The following WWOX variants were observed in gnomAD, a reference collection of about 807,000 sequenced individuals.
The protein encoded by WWOX is WW domain-containing oxidoreductase.
A neutral mutation model predicts 46.2 loss-of-function variants in WWOX; 69 were observed. That is an observed-to-expected ratio of 1.49 (90% confidence interval 1.23 to 1.82). The LOEUF (loss-of-function observed/expected upper bound fraction) is 1.82. Among genes scored for constraint, WWOX ranks in the 40% most tolerant of loss-of-function variants. The pLI is 0.00. For missense variants in WWOX, 919 were observed against 542.6 expected (o/e 1.69, Z -6.89); for synonymous variants, 359 against 202.6 (o/e 1.77, Z -6.56).
At chr16:78,747,449 C>T (rs1288847639) in intron 8 of WWOX, among the ~76,000 whole-genome samples, 2 of 152,110 alleles carry the variant, frequency 1.3e-5, no homozygotes, top group Non-Finnish European at 2.9e-5. Context: ...AATAAAAATA[C>T]CCATCATTTA....
intron 8 of WWOX, among the ~76,000 whole-genome samples, chr16:78,941,776 A>T (rs930252585): frequency 6.6e-6 from 1 of 152,320 alleles, no homozygotes; most frequent in East Asian, 1.9e-4. Flanking sequence ...TAAAAAAGGT[A>T]TCATAATCAA....
chr16:78,877,805 A>G (rs889109478), intron 8 of WWOX, among the ~76,000 whole-genome samples: 2 of 152,210 alleles, frequency 1.3e-5, no homozygotes, highest in Non-Finnish European at 2.9e-5. Flanking sequence ...CCTTGGATGT[A>G]TAATGTCCAA....
At chr16:79,146,920 T>C (rs944669658) in intron 8 of WWOX, among the ~76,000 whole-genome samples, 5 of 152,208 alleles carry the variant, frequency 3.3e-5, no homozygotes, top group African/African-American at 4.8e-5. Flanking sequence ...GATTTTTTAA[T>C]TGAAATTTTA....
chr16:78,676,404 T>C (rs1038061202), intron 8 of WWOX, among the ~76,000 whole-genome samples: 2 of 60,306 alleles, frequency 3.3e-5, no homozygotes, highest in East Asian at 3.5e-4. Context: ...ATATTTACTA[T>C]TTTTTTTTTT....
At chr16:78,617,070 C>G (rs1244914836) in intron 8 of WWOX, among the ~76,000 whole-genome samples, 1 of 152,194 alleles carries the variant, frequency 6.6e-6, no homozygotes, top group Non-Finnish European at 1.5e-5. Flanking sequence ...AGAAAAATAG[C>G]TTGGACATTC....
rs143067173 is a variant in WWOX, at chr16:78,164,256, G to A, written c.483G>A (p.Ala161=). ...TGGCCTGCAGGAACATGGCAAGGGCGAGTGAAGCAGTGTCACGCATTTTAG... is the reference window on the plus strand; with the variant it reads ...TGGCCTGCAGGAACATGGCAAGGGCAAGTGAAGCAGTGTCACGCATTTTAG... ...VILACRNMAR[A]SEAVSRILEE... is the part of the protein sequence containing the mutation. The change falls in exon 5 of 9, where the codon GCG becomes GCA. Residue 161 remains alanine (A), a synonymous_variant. Coordinates refer to ENST00000566780, the MANE Select transcript of WWOX (RefSeq NM_016373.4). 6.8e-6 allele frequency: 11 copies of A among 1,614,060 alleles called. No homozygotes were observed. Among genetic ancestry groups the A allele is most frequent in the Non-Finnish European group, 9.3e-6 (11 of 1,179,954 alleles).
At chr16:78,231,079 T>G (rs969326234) in intron 5 of WWOX, among the ~76,000 whole-genome samples, 9 of 152,350 alleles carry the variant, frequency 5.9e-5, no homozygotes, top group Admixed American at 5.9e-4. Flanking sequence ...CTGACAACAT[T>G]TATGATTCTG....
intron 8 of WWOX, among the ~76,000 whole-genome samples, chr16:78,926,074 T>G (rs562970546): frequency 6.6e-6 from 1 of 152,162 alleles, no homozygotes; most frequent in Non-Finnish European, 1.5e-5. Context: ...CTGCTGCTCT[T>G]GGTAGAGGTT....
At chr16:78,731,448 T>A (rs995508120) in intron 8 of WWOX, among the ~76,000 whole-genome samples, 1 of 152,090 alleles carries the variant, frequency 6.6e-6, no homozygotes, top group Non-Finnish European at 1.5e-5. Flanking sequence ...CTTCAGTGTT[T>A]CAACATAGAC....
At chr16:78,434,370 T>A (rs533854596) in intron 8 of WWOX, among the ~76,000 whole-genome samples, 1 of 152,188 alleles carries the variant, frequency 6.6e-6, no homozygotes, top group Non-Finnish European at 1.5e-5. Flanking sequence ...TTGCTCCCGA[T>A]GACTGCATAA....
chr16:78,701,459 T>A (rs548931838), intron 8 of WWOX, among the ~76,000 whole-genome samples: 13 of 152,274 alleles, frequency 8.5e-5, no homozygotes, highest in Non-Finnish European at 1.8e-4. Context: ...TAGGTGGCAG[T>A]GCTGGAATTT....
chr16:78,986,019 G>A (rs1451726439), intron 8 of WWOX, among the ~76,000 whole-genome samples: 6 of 152,190 alleles, frequency 3.9e-5, no homozygotes, highest in African/African-American at 9.7e-5. Flanking sequence ...TTGAGGAGGG[G>A]CATCCCAGGG....
intron 8 of WWOX, among the ~76,000 whole-genome samples, chr16:78,482,345 C>G (rs945612157): frequency 1.3e-5 from 2 of 152,098 alleles, no homozygotes; most frequent in Non-Finnish European, 2.9e-5. Context: ...CCTCGGCCTC[C>G]GTAGTAGTCA....
chr16:79,119,022 C>A (rs2049574361), intron 8 of WWOX, among the ~76,000 whole-genome samples: 1 of 152,050 alleles, frequency 6.6e-6, no homozygotes, highest in Admixed American at 6.6e-5. Flanking sequence ...CCCATTATGT[C>A]TTTAGGATAG....
At chr16:78,832,825 C>T (rs2051868888) in intron 8 of WWOX, among the ~76,000 whole-genome samples, 1 of 152,172 alleles carries the variant, frequency 6.6e-6, no homozygotes, top group Admixed American at 6.5e-5. Flanking sequence ...CATTACAGAA[C>T]TTCCCCCAAA....
intron 8 of WWOX, among the ~76,000 whole-genome samples, chr16:79,095,586 C>A (rs961769397): frequency 3.9e-4 from 59 of 152,206 alleles, no homozygotes; most frequent in African/African-American, 1.4e-3. Context: ...ACAAATGGAG[C>A]CACATTTAGT....
intron 8 of WWOX, among the ~76,000 whole-genome samples, chr16:78,895,155 A>G (rs1469576229): frequency 4.6e-5 from 7 of 152,232 alleles, no homozygotes; most frequent in Admixed American, 4.6e-4. Context: ...TTTTCAAACC[A>G]CATTTCAAAG....
rs1022647084 is a variant in WWOX at position 79,212,477 on chromosome 16, A to G, written c.*681A>G. ...AAATTTTTCAAATCATTCCTTAGAT[A>G]CCTTGAAAGGCAGGAAGGGAAGCGT... On this transcript the variant is annotated 3_prime_UTR_variant, in exon 9 of 9. Coordinates refer to ENST00000566780, the MANE Select transcript of WWOX (RefSeq NM_016373.4). 2 of 225,296 alleles carry G rather than the reference A, an allele frequency of 8.9e-6. No individual in the cohort carries two copies. Among genetic ancestry groups the G allele is most frequent in the African/African-American group, 4.5e-5 (2 of 44,756 alleles). 14.0% of individuals were successfully genotyped at this position (225,296 alleles called of 1,614,324 possible).
intron 8 of WWOX, among the ~76,000 whole-genome samples, chr16:78,730,200 T>C (rs8047442): frequency 0.34 from 50,946 of 151,952 alleles, 8,797 homozygotes; most frequent in South Asian, 0.46. Context: ...TGGTTACATA[T>C]GGTCAAGTTG....
Sources: gnomAD v4.1 joint callset for allele counts (sites outside exome capture counted in the v4.1 genomes callset) on GRCh38, gnomAD v4.1.1 for gene constraint, MANE v1.5 for transcripts, NCBI Gene and HGNC (gene_info 2026-07-23, HGNC 2026-07-21) for gene names.